Variants in NRXN3 observed in about 807,000 individuals in gnomAD.
NRXN3 encodes the protein neurexin III.
A neutral mutation model predicts 137.6 loss-of-function variants in NRXN3; 32 were observed. That is an observed-to-expected ratio of 0.23 (90% CI 0.18 to 0.31). NRXN3 has a LOEUF of 0.31. Among genes scored for constraint, NRXN3 ranks in the 10% least tolerant of loss-of-function variants. NRXN3 has a pLI of 1.00. For missense variants in NRXN3, 1,574 were observed against 2,062.5 expected (o/e 0.76, Z 4.59); for synonymous variants, 798 against 784.5 (o/e 1.02, Z -0.29).
chr14:79,575,521 GAAGA>G (rs1174389104), intron 16 of NRXN3, among the ~76,000 whole-genome samples: 1 of 152,118 alleles, frequency 6.6e-6, no homozygotes, highest in East Asian at 1.9e-4. Context: ...AAAAATAACT[GAAGA>G]AAGGCTCTAT....
At chr14:79,161,892 A>T (rs2060809084) in intron 15 of NRXN3, among the ~76,000 whole-genome samples, 1 of 151,774 alleles carries the variant, frequency 6.6e-6, no homozygotes, top group South Asian at 2.1e-4. Context: ...GAATAATGAG[A>T]TCCCATGGAA....
intron 15 of NRXN3, among the ~76,000 whole-genome samples, chr14:79,076,424 A>G (rs1285399605): frequency 6.6e-6 from 1 of 152,184 alleles, no homozygotes; most frequent in African/African-American, 2.4e-5. Flanking sequence ...CCAGGGCTTC[A>G]GTCACCTCAA....
chr14:79,332,783 G>C (rs926543067), intron 15 of NRXN3, among the ~76,000 whole-genome samples: 1 of 152,104 alleles, frequency 6.6e-6, no homozygotes, highest in East Asian at 1.9e-4. Flanking sequence ...TATTCACAGC[G>C]TTCATTCTAG....
At chr14:78,501,774 G>C (rs1476851573) in intron 4 of NRXN3, among the ~76,000 whole-genome samples, 1 of 152,078 alleles carries the variant, frequency 6.6e-6, no homozygotes, top group Non-Finnish European at 1.5e-5. Flanking sequence ...ATTTTCTGTG[G>C]TATCAGCACA....
chr14:79,387,467 G>C (rs2094671383), intron 15 of NRXN3, among the ~76,000 whole-genome samples: 1 of 152,056 alleles, frequency 6.6e-6, no homozygotes, highest in Non-Finnish European at 1.5e-5. Flanking sequence ...ATGCTAGAGA[G>C]GATGTGGAGA....
intron 19 of NRXN3, among the ~76,000 whole-genome samples, chr14:79,743,401 C>T (rs2098969231): frequency 6.6e-6 from 1 of 152,084 alleles, no homozygotes. Context: ...ACTCAGAAAT[C>T]TATTTGGATT....
At chr14:78,957,531 C>CAAT (rs1216978928) in intron 11 of NRXN3, among the ~76,000 whole-genome samples, 170 bp downstream of exon 11, 8 of 152,202 alleles carry the variant, frequency 5.3e-5, no homozygotes, top group African/African-American at 1.9e-4. Context: ...CTGTATTTTA[C>CAAT]AATACCTTTT....
At chr14:78,330,349 C>T (rs1025895447) in intron 4 of NRXN3, among the ~76,000 whole-genome samples, 1 of 151,912 alleles carries the variant, frequency 6.6e-6, no homozygotes, top group African/African-American at 2.4e-5. Context: ...CATTCTCTTT[C>T]CTGTTCTCTC....
chr14:79,598,274 T>A (rs1026498615), intron 16 of NRXN3, among the ~76,000 whole-genome samples: 36 of 152,202 alleles, frequency 2.4e-4, no homozygotes, highest in African/African-American at 8.4e-4. Context: ...GTGATCATTA[T>A]GTGCAATATC....
intron 4 of NRXN3, among the ~76,000 whole-genome samples, chr14:78,523,713 A>G (rs1267248542): frequency 7.1e-6 from 1 of 141,294 alleles, no homozygotes; most frequent in Non-Finnish European, 1.5e-5. Context: ...GCTACTTGGG[A>G]GGCTGAGGCA....
At chr14:79,317,649 G>A (rs2089125256) in intron 15 of NRXN3, among the ~76,000 whole-genome samples, 1 of 152,164 alleles carries the variant, frequency 6.6e-6, no homozygotes, top group Non-Finnish European at 1.5e-5. Context: ...CAACCGAATT[G>A]TATTGTTCTG....
At chr14:79,358,665 G>GAAAGAA (rs1555397673) in intron 15 of NRXN3, among the ~76,000 whole-genome samples, 385 of 150,050 alleles carry the variant, frequency 2.6e-3, no homozygotes, top group Non-Finnish European at 4.4e-3. Flanking sequence ...AAGAAAGAAA[G>GAAAGAA]AAAGTGTCCT....
chr14:78,666,241 T>A (rs1230969884), intron 6 of NRXN3, among the ~76,000 whole-genome samples: 1 of 152,238 alleles, frequency 6.6e-6, no homozygotes, highest in Non-Finnish European at 1.5e-5. Flanking sequence ...GATATTTGCC[T>A]ATTTGTTTCT....
At chr14:78,992,072 T>C (rs559503766) in intron 15 of NRXN3, among the ~76,000 whole-genome samples, 4 of 152,344 alleles carry the variant, frequency 2.6e-5, no homozygotes, top group South Asian at 2.1e-4. Flanking sequence ...AATCCTCTGA[T>C]TGGAAATCCA....
intron 2 of NRXN3, among the ~76,000 whole-genome samples, chr14:78,257,792 T>C (rs1047855599): frequency 1.3e-5 from 2 of 152,206 alleles, no homozygotes; most frequent in Non-Finnish European, 2.9e-5. Context: ...TTCAGTTGAA[T>C]TGTGACACAG....
At chr14:79,499,321 G>C (rs2096797397) in intron 16 of NRXN3, among the ~76,000 whole-genome samples, 1 of 152,106 alleles carries the variant, frequency 6.6e-6, no homozygotes, top group African/African-American at 2.4e-5. Flanking sequence ...GCTTTTCTCT[G>C]TCTGGGAGAC....
chr14:78,181,622 G>A (rs879079955), intron 1 of NRXN3, among the ~76,000 whole-genome samples: 52 of 152,048 alleles, frequency 3.4e-4, no homozygotes, highest in Admixed American at 2.5e-3. Context: ...TTAGAAATTC[G>A]GCAGACTGCC....
intron 2 of NRXN3, among the ~76,000 whole-genome samples, chr14:78,269,542 T>A (rs752930356): frequency 6.6e-6 from 1 of 152,200 alleles, no homozygotes. Context: ...ACATTACGAA[T>A]GTACTTAATA....
chr14:78,322,116 T>C (rs2079448679), intron 4 of NRXN3, among the ~76,000 whole-genome samples: 1 of 151,946 alleles, frequency 6.6e-6, no homozygotes, highest in East Asian at 1.9e-4. Flanking sequence ...AATTTTACTC[T>C]AATCCAAGCC....
Sources: gnomAD v4.1 joint callset for allele counts (sites outside exome capture counted in the v4.1 genomes callset) on GRCh38, gnomAD v4.1.1 for gene constraint, MANE v1.5 for transcripts, NCBI Gene and HGNC (gene_info 2026-07-23, HGNC 2026-07-21) for gene names.